The following UBA1 variants were observed in gnomAD, a reference collection of about 807,000 sequenced individuals.
The protein encoded by UBA1 is ubiquitin like modifier activating enzyme 1.
UBA1 carries 4 observed loss-of-function variants against 84.7 expected under a neutral mutation model. That is an observed-to-expected ratio of 0.05 (90% CI 0.02 to 0.11). UBA1 has a LOEUF of 0.11. Among genes scored for constraint, UBA1 ranks in the 10% least tolerant of loss-of-function variants. The pLI is 1.00. For synonymous variants in UBA1, 364 were observed against 362.6 expected, an observed-to-expected ratio of 1.00 and a Z score of -0.04; for missense variants, 513 against 902.8, an observed-to-expected ratio of 0.57 and a Z score of 5.53.
chrX:47,205,610 C>T lies in UBA1; in HGVS notation c.1576-338C>T, dbSNP rs1186215797. 8.6e-5 allele frequency: 31 copies of T among 360,248 alleles called. No individual in the cohort carries two copies. The South Asian group carries it at 8.9e-4, about 10-fold the overall frequency. The allele number at this position is 360,248 out of a possible 1,213,427, so 29.7% of individuals were successfully genotyped here. ...AGGTGCGGTGGCTCACGCCTGTAAT[C>T]CCAGCTCTTTGTGGGGCCGAGGTCT... On this transcript the variant is annotated intron_variant, in intron 14 of 25. Coordinates refer to ENST00000335972, the MANE Select transcript of UBA1 (RefSeq NM_003334.4).
At chrX:47,197,063 C>T in intron 1 of UBA1, 11 of 737,159 alleles carry the variant, frequency 1.5e-5, no homozygotes, top group Non-Finnish European at 1.8e-5. Flanking sequence ...TATGGTTCAC[C>T]TTTGTCTCTA....
At position 47,201,050 on chromosome X, in the gene UBA1, C is replaced by T. The variant is rs996152096; in HGVS notation, c.587+50C>T. Reference sequence around the variant, plus strand: ...CTGTCCCCTTTTCCCCCAACTCCTACCAAGCCCAGGCCAAGACTCTAGGCT... The same window carrying T: ...CTGTCCCCTTTTCCCCCAACTCCTATCAAGCCCAGGCCAAGACTCTAGGCT... On this transcript the variant is annotated intron_variant, in intron 6 of 25. Transcript: ENST00000335972. 6 of 1,073,573 alleles carry T rather than the reference C, an allele frequency of 5.6e-6. No homozygotes were observed. In the African/African-American group the frequency reaches 1.1e-4, roughly 20 times the overall value. The allele number at this position is 1,073,573 out of a possible 1,213,427, so 88.5% of individuals were successfully genotyped here.
At chrX:47,214,725 C>T (rs1379939788) in intron 25 of UBA1, 69 bp from the exon 26 acceptor site, 4 of 1,199,684 alleles carry the variant, frequency 3.3e-6, no homozygotes, top group African/African-American at 1.8e-5. Context: ...TTCACTGCCC[C>T]TACCTACCTG....
At position 47,201,487 on chromosome X, in the gene UBA1, G is replaced by A; in HGVS notation, c.688G>A (p.Gly230Ser). 8.3e-7 allele frequency: 1 copy of A among 1,211,990 alleles called. No individual in the cohort carries two copies. The highest frequency in any genetic ancestry group is 1.1e-6 in the Non-Finnish European group (1 of 895,573). Reference sequence around the variant, plus strand: ...CTCTTCCTTTAACCAGGACAACCCCGGTGTGGTTACCTGCCTGGATGAGGC... The same window carrying A: ...CTCTTCCTTTAACCAGGACAACCCCAGTGTGGTTACCTGCCTGGATGAGGC... ...MVSMVTKDNP[G>S]VVTCLDEARH... Residue 230 changes from glycine (G) to serine (S), a missense_variant, in exon 8 of 26, where the codon GGT (glycine) becomes AGT (serine). By Grantham distance (56) the Gly-to-Ser change is moderately conservative. This residue lies in a region of UBA1 where 227 missense variants were observed against 339.1 expected (regional missense o/e 0.67). Coordinates refer to ENST00000335972, the MANE Select transcript of UBA1 (RefSeq NM_003334.4).
intron 11 of UBA1, 54 bp from the exon 12 acceptor site, chrX:47,202,889 G>C: frequency 3.3e-6 from 4 of 1,202,169 alleles, no homozygotes; most frequent in Non-Finnish European, 4.5e-6. Flanking sequence ...CTCTCTGTCT[G>C]TGTCAGGCCC....
chrX:47,203,217 A>G lies in UBA1; in HGVS notation c.1419+3A>G. 8.3e-7 allele frequency: 1 copy of G among 1,211,199 alleles called. No individual in the cohort carries two copies. The highest frequency in any genetic ancestry group is 3.0e-5 in the East Asian group (1 of 33,841). On this transcript the variant is annotated splice_donor_region_variant and intron_variant, in intron 13 of 25. Transcript: ENST00000335972. ...TGGGCAAGCAGAAGTATTTCCTGGT[A>G]AGTGGTCCCCTTGGATGTCTGCTCC...
rs898079810 is a variant in UBA1, at chrX:47,206,183, G to T, written c.1742-65G>T. Reference sequence around the variant, plus strand: ...TGTTTCGGTGTGTATATACCAAGAGGGGTGTCCGTCTTTCTGTCCTCTCCT... The same window carrying T: ...TGTTTCGGTGTGTATATACCAAGAGTGGTGTCCGTCTTTCTGTCCTCTCCT... On this transcript the variant is annotated intron_variant, in intron 15 of 25. Transcript: ENST00000335972. 3.4e-6 allele frequency: 4 copies of T among 1,176,225 alleles called. No homozygotes were observed. The African/African-American group carries it at 7.1e-5, about 21-fold the overall frequency.
chrX:47,213,285 T>G, intron 23 of UBA1, 104 bp downstream of exon 23: 6 of 848,108 alleles, frequency 7.1e-6, no homozygotes, highest in Non-Finnish European at 9.8e-6. Flanking sequence ...TCTGTCTGTG[T>G]ACCTACCCTT....
chrX:47,215,060 G>A lies in UBA1; in HGVS notation c.*131G>A. On this transcript the variant is annotated 3_prime_UTR_variant, in exon 26 of 26. Coordinates refer to ENST00000335972, the MANE Select transcript of UBA1 (RefSeq NM_003334.4). ...GTGTTCCCTCATCATCCCCCTACCTGAACCCCTCTTGCCACTGCCTTCTAC... is the reference window on the plus strand; with the variant it reads ...GTGTTCCCTCATCATCCCCCTACCTAAACCCCTCTTGCCACTGCCTTCTAC... 3.2e-6 allele frequency: 3 copies of A among 948,696 alleles called. No homozygotes were observed. The highest frequency in any genetic ancestry group is 4.5e-6 in the Non-Finnish European group (3 of 672,325). The allele number at this position is 948,696 out of a possible 1,213,427, so 78.2% of individuals were successfully genotyped here.
At chrX:47,203,319 C>A in intron 13 of UBA1, 105 bp downstream of exon 13, 1 of 964,884 alleles carries the variant, frequency 1.0e-6, no homozygotes, top group Non-Finnish European at 1.5e-6. Context: ...ATTCTCTTTG[C>A]CATTCTCCTT....
intron 20 of UBA1, among the ~76,000 whole-genome samples, chrX:47,211,950 G>C (rs1936935419): frequency 9.5e-6 from 1 of 105,710 alleles, no homozygotes; most frequent in Non-Finnish European, 1.9e-5. Context: ...CTCGCCCTCT[G>C]TATATACCCC....
At chrX:47,194,567 T>TG (rs1204401134) in intron 1 of UBA1, among the ~76,000 whole-genome samples, 1 of 111,743 alleles carries the variant, frequency 8.9e-6, no homozygotes, top group African/African-American at 3.3e-5. Flanking sequence ...CCCACACACA[T>TG]GCTAGCCGCG....
intron 1 of UBA1, among the ~76,000 whole-genome samples, chrX:47,194,536 C>T (rs782689400): frequency 8.9e-6 from 1 of 111,909 alleles, no homozygotes; most frequent in Non-Finnish European, 1.9e-5. Context: ...TCCTCTTTAG[C>T]ATTTTCCTTC....
At chrX:47,211,683 CCATCT>C (rs1177976112) in intron 20 of UBA1, among the ~76,000 whole-genome samples, 11 of 108,211 alleles carry the variant, frequency 1.0e-4, no homozygotes, top group African/African-American at 3.4e-5. Context: ...CCACCCCACC[CCATCT>C]GCATATTTTT....
chrX:47,195,132 G>A (rs1193267433), intron 1 of UBA1, among the ~76,000 whole-genome samples: 4 of 111,825 alleles, frequency 3.6e-5, no homozygotes, highest in African/African-American at 6.5e-5. Flanking sequence ...CCCTCAGATC[G>A]TTTCAAGGTC....
chrX:47,213,343 G>A (rs909797396), intron 23 of UBA1, among the ~76,000 whole-genome samples, 162 bp downstream of exon 23: 1 of 111,681 alleles, frequency 9.0e-6, no homozygotes, highest in African/African-American at 3.3e-5. Flanking sequence ...ATTTGAGTAC[G>A]TGCGAAAAGA....
chrX:47,208,151 G>A (rs1348500632), intron 16 of UBA1, among the ~76,000 whole-genome samples: 3 of 112,786 alleles, frequency 2.7e-5, no homozygotes, highest in Non-Finnish European at 5.6e-5. Context: ...TCAGAGGCCA[G>A]AAGTTCTGTC....
intron 1 of UBA1, among the ~76,000 whole-genome samples, chrX:47,194,546 C>G (rs1392800004): frequency 8.9e-6 from 1 of 111,904 alleles, no homozygotes; most frequent in African/African-American, 3.3e-5. Context: ...CATTTTCCTT[C>G]AGACCCCCAT....
chrX:47,205,680 C>T (rs1556790572), intron 14 of UBA1: 2 of 399,450 alleles, frequency 5.0e-6, no homozygotes, highest in Non-Finnish European at 8.9e-6. Context: ...ATGACAAAAC[C>T]CTGTCTCTAC....
Sources: gnomAD v4.1 joint callset for allele counts (sites outside exome capture counted in the v4.1 genomes callset) on GRCh38, gnomAD v4.1.1 for gene constraint, gnomAD v4.1.1 regional missense constraint, MANE v1.5 for transcripts, NCBI Gene and HGNC (gene_info 2026-07-23, HGNC 2026-07-21) for gene names.